The following EFNA5 variants were observed in gnomAD, a reference collection of about 807,000 sequenced individuals.
EFNA5 encodes the protein ephrin-A5.
In EFNA5, 5 loss-of-function variants were observed where a neutral mutation model predicts 22.9. That is an observed-to-expected ratio of 0.22 (90% CI 0.11 to 0.46). The LOEUF (loss-of-function observed/expected upper bound fraction) is 0.46, where lower values mean the gene tolerates loss of function less well. EFNA5 is among the 20% of genes least tolerant of loss of function. The pLI is 0.99. For synonymous variants in EFNA5, 113 were observed against 112.2 expected, an observed-to-expected ratio of 1.01 and a Z score of -0.04; for missense variants, 237 against 293.3, an observed-to-expected ratio of 0.81 and a Z score of 1.40.
At chr5:107,526,997 T>C (rs1407409605) in intron 1 of EFNA5, among the ~76,000 whole-genome samples, 2 of 152,194 alleles carry the variant, frequency 1.3e-5, no homozygotes, top group East Asian at 3.8e-4. Context: ...TAACCAACCA[T>C]ATTAGCCACA....
chr5:107,657,544 A>G (rs758820002), intron 1 of EFNA5, among the ~76,000 whole-genome samples: 9 of 152,240 alleles, frequency 5.9e-5, no homozygotes, highest in Admixed American at 1.3e-4. Context: ...ATAGTACCCA[A>G]TGTTCTAATT....
intron 1 of EFNA5, among the ~76,000 whole-genome samples, chr5:107,624,870 G>A (rs1008585590): frequency 1.7e-4 from 26 of 151,886 alleles, no homozygotes; most frequent in African/African-American, 5.1e-4. Flanking sequence ...AAAACAATAC[G>A]GTTTTCACAA....
intron 1 of EFNA5, among the ~76,000 whole-genome samples, chr5:107,463,737 A>T (rs1312798858): frequency 1.3e-5 from 2 of 152,220 alleles, no homozygotes; most frequent in East Asian, 3.9e-4. Context: ...TAATCACTTT[A>T]AAATTCATTA....
At chr5:107,483,306 T>C in intron 1 of EFNA5, among the ~76,000 whole-genome samples, 1 of 152,210 alleles carries the variant, frequency 6.6e-6, no homozygotes, top group East Asian at 1.9e-4. Context: ...CTAATCCTCT[T>C]TGTTGTCATG....
At chr5:107,605,034 A>T (rs1749682792) in intron 1 of EFNA5, among the ~76,000 whole-genome samples, 1 of 151,848 alleles carries the variant, frequency 6.6e-6, no homozygotes, top group African/African-American at 2.4e-5. Context: ...GATTCTTCAT[A>T]ACTGTTTGCT....
intron 1 of EFNA5, among the ~76,000 whole-genome samples, chr5:107,487,750 C>T (rs1746680335): frequency 6.6e-6 from 1 of 152,208 alleles, no homozygotes; most frequent in East Asian, 1.9e-4. Flanking sequence ...CTTATTCCCC[C>T]TTGGACTGTA....
chr5:107,630,368 A>G (rs1750224234), intron 1 of EFNA5, among the ~76,000 whole-genome samples: 1 of 152,236 alleles, frequency 6.6e-6, no homozygotes, highest in African/African-American at 2.4e-5. Flanking sequence ...GGTATAGCCT[A>G]TTGCTTCTAA....
chr5:107,647,238 A>T (rs1750646890), intron 1 of EFNA5, among the ~76,000 whole-genome samples: 1 of 152,166 alleles, frequency 6.6e-6, no homozygotes, highest in African/African-American at 2.4e-5. Context: ...TTTAAGAGCC[A>T]GACAAGCAAA....
At chr5:107,528,793 G>T (rs933460959) in intron 1 of EFNA5, among the ~76,000 whole-genome samples, 1 of 152,048 alleles carries the variant, frequency 6.6e-6, no homozygotes, top group Non-Finnish European at 1.5e-5. Context: ...TAGGTATGGG[G>T]TTATATTATT....
At chr5:107,432,800 G>T (rs754673136) in intron 1 of EFNA5, among the ~76,000 whole-genome samples, 4 of 152,056 alleles carry the variant, frequency 2.6e-5, no homozygotes, top group Non-Finnish European at 5.9e-5. Flanking sequence ...GAGCAACACG[G>T]GTTTGAACTG....
At chr5:107,421,330 G>A (rs192476921) in intron 2 of EFNA5, among the ~76,000 whole-genome samples, 45 of 152,220 alleles carry the variant, frequency 3.0e-4, no homozygotes, top group African/African-American at 9.1e-4. Context: ...AACAAATGCT[G>A]GAAAAATTCT....
At chr5:107,414,791 A>G (rs1167402280) in intron 2 of EFNA5, among the ~76,000 whole-genome samples, 4 of 152,188 alleles carry the variant, frequency 2.6e-5, no homozygotes, top group African/African-American at 9.7e-5. Flanking sequence ...AGCAAATGTT[A>G]TTGATTTAGC....
chr5:107,405,912 A>AAT (rs1317287682), intron 2 of EFNA5, among the ~76,000 whole-genome samples: 2 of 147,384 alleles, frequency 1.4e-5, no homozygotes, highest in Admixed American at 1.4e-4. Flanking sequence ...ATATACATAG[A>AAT]ATGTATACAA....
At chr5:107,645,838 G>A (rs1281059306) in intron 1 of EFNA5, among the ~76,000 whole-genome samples, 1 of 152,138 alleles carries the variant, frequency 6.6e-6, no homozygotes, top group East Asian at 1.9e-4. Context: ...GATAAATATG[G>A]ATTCAGTACC....
At chr5:107,392,796 G>A (rs933760128) in intron 2 of EFNA5, among the ~76,000 whole-genome samples, 1 of 152,180 alleles carries the variant, frequency 6.6e-6, no homozygotes, top group Non-Finnish European at 1.5e-5. Flanking sequence ...CCACAGAGCT[G>A]TGCACTCCTG....
intron 1 of EFNA5, among the ~76,000 whole-genome samples, chr5:107,434,777 A>G (rs1749062541): frequency 1.3e-5 from 2 of 152,248 alleles, no homozygotes; most frequent in Non-Finnish European, 2.9e-5. Flanking sequence ...AAAGAATTCA[A>G]TAATGAAAAT....
Position 107,378,524 on chromosome 5 carries a change from C to G in EFNA5, c.*2731G>C, listed in dbSNP as rs1747340635. 6.6e-6 allele frequency: 1 copy of G among 152,178 alleles called. No individual in the cohort carries two copies. Among genetic ancestry groups the G allele is most frequent in the Non-Finnish European group, 1.5e-5 (1 of 68,042 alleles). The allele number at this position is 152,178 out of a possible 1,614,324, so 9.4% of individuals were successfully genotyped here. A position where few individuals can be genotyped will look rare whatever the true frequency, so the allele number is the denominator to read the frequency against. On this transcript the variant is annotated 3_prime_UTR_variant, in exon 5 of 5. Coordinates refer to ENST00000333274, the MANE Select transcript of EFNA5 (RefSeq NM_001962.3). Reference sequence around the variant, plus strand: ...ATTGTAACACCACCACAAAAGGCCACCAACACTTTTTAAACAAAGTGAAAA... The same window carrying G: ...ATTGTAACACCACCACAAAAGGCCAGCAACACTTTTTAAACAAAGTGAAAA...
intron 2 of EFNA5, 30 bp downstream of exon 2, chr5:107,427,187 C>A: frequency 6.2e-7 from 1 of 1,613,300 alleles, no homozygotes; most frequent in Non-Finnish European, 8.5e-7. Context: ...TGCAGCTGCC[C>A]TACAACACGA....
chr5:107,638,762 AG>A (rs769362477), intron 1 of EFNA5, among the ~76,000 whole-genome samples: 1 of 152,188 alleles, frequency 6.6e-6, no homozygotes, highest in Non-Finnish European at 1.5e-5. Flanking sequence ...ACGGATACCG[AG>A]GGATGAATGT....
Sources: allele counts gnomAD v4.1 joint callset (sites outside exome capture counted in the v4.1 genomes callset), GRCh38; gene constraint gnomAD v4.1.1; transcripts MANE v1.5; gene names NCBI Gene and HGNC (gene_info 2026-07-23, HGNC 2026-07-21).